The following APBB2 variants were observed in gnomAD, a reference collection of about 807,000 sequenced individuals.
The protein encoded by APBB2 is amyloid beta precursor protein binding family B member 2, also known as Fe65-like 1.
APBB2 carries 38 observed loss-of-function variants against 82.5 expected under a neutral mutation model. The observed-to-expected ratio is 0.46, with a 90% CI of 0.36 to 0.60. APBB2 has a LOEUF of 0.60. Ranked by LOEUF, APBB2 falls within the 20% of genes least tolerant of loss-of-function variation. The pLI, the probability that APBB2 is intolerant of heterozygous loss-of-function variation, is 0.00. For synonymous variants in APBB2, 341 were observed against 368.2 expected, an observed-to-expected ratio of 0.93 and a Z score of 0.85; for missense variants, 772 against 972.3, an observed-to-expected ratio of 0.79 and a Z score of 2.74.
chr4:40,825,690 T>A (rs1749672338), intron 15 of APBB2, 197 bp downstream of exon 15: 1 of 559,704 alleles, frequency 1.8e-6, no homozygotes, highest in African/African-American at 1.9e-5. Context: ...GGATGACAGG[T>A]CAAAGCAGCG....
At chr4:41,169,741 C>T (rs1767730655) in intron 1 of APBB2, among the ~76,000 whole-genome samples, 1 of 152,108 alleles carries the variant, frequency 6.6e-6, no homozygotes, top group African/African-American at 2.4e-5. Context: ...ATTTCAACTG[C>T]TGGCTTTCTC....
At chr4:40,986,795 C>A (rs566696572) in intron 6 of APBB2, among the ~76,000 whole-genome samples, 5 of 152,270 alleles carry the variant, frequency 3.3e-5, no homozygotes, top group African/African-American at 1.2e-4. Flanking sequence ...TCAAAAAGAT[C>A]TTTATTTCAA....
intron 1 of APBB2, among the ~76,000 whole-genome samples, chr4:41,204,318 G>A (rs771415752): frequency 3.9e-5 from 6 of 152,218 alleles, no homozygotes; most frequent in East Asian, 1.9e-4. Flanking sequence ...TCACCTTGGA[G>A]GCAGTGTACA....
chr4:41,134,697 G>A (rs1757087472), intron 2 of APBB2, among the ~76,000 whole-genome samples: 1 of 152,122 alleles, frequency 6.6e-6, no homozygotes, highest in South Asian at 2.1e-4. Flanking sequence ...ACTGTTGTGA[G>A]GATCAAATGA....
At chr4:40,817,303 G>A (rs896328203) in intron 17 of APBB2, among the ~76,000 whole-genome samples, 1 of 152,116 alleles carries the variant, frequency 6.6e-6, no homozygotes, top group Non-Finnish European at 1.5e-5. Flanking sequence ...AGCTACTTGG[G>A]AGGCTGAGGC....
chr4:41,107,895 G>A (rs2153977371), intron 2 of APBB2, among the ~76,000 whole-genome samples: 1 of 152,286 alleles, frequency 6.6e-6, no homozygotes, highest in South Asian at 2.1e-4. Flanking sequence ...AAAATTCAAT[G>A]AATGACTGTT....
chr4:41,075,547 C>A (rs1735367527), intron 3 of APBB2, among the ~76,000 whole-genome samples: 1 of 152,168 alleles, frequency 6.6e-6, no homozygotes, highest in Non-Finnish European at 1.5e-5. Context: ...CTCAAGGAAG[C>A]TCAGTTCCCT....
At chr4:41,070,450 C>T (rs183780570) in intron 3 of APBB2, among the ~76,000 whole-genome samples, 59 of 152,130 alleles carry the variant, frequency 3.9e-4, no homozygotes, top group Non-Finnish European at 6.0e-4. Context: ...GCTGGGATTA[C>T]AGGCATGCAC....
Position 41,078,740 on chromosome 4 carries a change from C to T in APBB2, c.-148-13067G>A, listed in dbSNP as rs140572876. Among the ~76,000 whole-genome samples, 759 of 152,312 alleles carry T rather than the reference C, an allele frequency of 5.0e-3. 1 individual carries two copies. The highest frequency in any genetic ancestry group is 0.01 in the Middle Eastern group (3 of 294). On this transcript the variant is annotated intron_variant, in intron 3 of 17. Coordinates refer to ENST00000508593, the MANE Select transcript of APBB2 (RefSeq NM_004307.2). ...ACACCTTGGCCACTGTAACACCTCCCCTTCTACCAGAGTGCTTACTGAAGC... is the reference window on the plus strand; with the variant it reads ...ACACCTTGGCCACTGTAACACCTCCTCTTCTACCAGAGTGCTTACTGAAGC...
chr4:41,048,285 G>T (rs865928586), intron 4 of APBB2, among the ~76,000 whole-genome samples: 1 of 152,138 alleles, frequency 6.6e-6, no homozygotes, highest in Middle Eastern at 3.2e-3. Context: ...ATGTTCAACT[G>T]CTAAGTATAA....
rs566943902 is a variant in APBB2, at chr4:40,877,119, C to A, written c.1529+13245G>T. ...CATAAGTCCAGTGGATGAACACATG[C>A]CGAAATGAGTGAATGTATGAATGCA... On this transcript the variant is annotated intron_variant, in intron 12 of 17. Coordinates refer to ENST00000508593, the MANE Select transcript of APBB2 (RefSeq NM_004307.2). Among the ~76,000 whole-genome samples, 6 of 152,292 alleles carry A rather than the reference C, an allele frequency of 3.9e-5. No individual in the cohort carries two copies. In the South Asian group the frequency reaches 1.2e-3, roughly 32 times the overall value.
chr4:41,182,177 G>A (rs976921498), intron 1 of APBB2, among the ~76,000 whole-genome samples: 23 of 152,246 alleles, frequency 1.5e-4, no homozygotes, highest in African/African-American at 4.6e-4. Context: ...GTCAAGGGCT[G>A]TCTATATTTA....
intron 17 of APBB2, 105 bp downstream of exon 17, chr4:40,821,766 G>A (rs950507041): frequency 7.6e-7 from 1 of 1,311,896 alleles, no homozygotes; most frequent in Non-Finnish European, 1.1e-6. Context: ...ATTACTTTAG[G>A]GATTCGACTT....
At chr4:40,865,741 A>G (rs1041730095) in intron 12 of APBB2, among the ~76,000 whole-genome samples, 1 of 152,228 alleles carries the variant, frequency 6.6e-6, no homozygotes, top group Non-Finnish European at 1.5e-5. Flanking sequence ...ATAATAAGAA[A>G]ACAAACAACA....
At chr4:41,164,032 G>A (rs1048273021) in intron 1 of APBB2, among the ~76,000 whole-genome samples, 3 of 152,060 alleles carry the variant, frequency 2.0e-5, no homozygotes, top group African/African-American at 7.2e-5. Context: ...AAAATGCTTG[G>A]GATCAGTAGA....
intron 5 of APBB2, among the ~76,000 whole-genome samples, chr4:41,028,108 G>C (rs1303943873): frequency 6.6e-6 from 1 of 152,148 alleles, no homozygotes; most frequent in Admixed American, 6.5e-5. Flanking sequence ...TTTTCTAGGG[G>C]AATCAGCCTT....
At chr4:40,969,007 C>T (rs6831747) in intron 6 of APBB2, among the ~76,000 whole-genome samples, 50,464 of 152,090 alleles carry the variant, frequency 0.33, 8,812 homozygotes, top group African/African-American at 0.44. Context: ...CTCTCATTCT[C>T]TCTTGCCTGC....
intron 12 of APBB2, among the ~76,000 whole-genome samples, chr4:40,885,566 C>CCATT (rs1300971548): frequency 6.6e-6 from 1 of 152,100 alleles, no homozygotes; most frequent in Non-Finnish European, 1.5e-5. Context: ...GCCTCTAAGT[C>CCATT]CATTCTTGGG....
intron 12 of APBB2, among the ~76,000 whole-genome samples, chr4:40,838,346 T>TC: frequency 7.1e-6 from 1 of 140,328 alleles, no homozygotes; most frequent in Admixed American, 7.1e-5. Flanking sequence ...TTTTTTTTTT[T>TC]TTTTTTTGAG....
Sources: gnomAD v4.1 joint callset for allele counts (sites outside exome capture counted in the v4.1 genomes callset) on GRCh38, gnomAD v4.1.1 for gene constraint, MANE v1.5 for transcripts, NCBI Gene and HGNC (gene_info 2026-07-23, HGNC 2026-07-21) for gene names.